Variants in FBXO4 observed in about 807,000 individuals in gnomAD.
The protein encoded by FBXO4 is F-box protein 4.
Under a neutral mutation model 43.7 loss-of-function variants are expected in FBXO4, and 36 were observed. The observed-to-expected ratio is 0.82, with a 90% CI of 0.63 to 1.09. The LOEUF (loss-of-function observed/expected upper bound fraction) is 1.09. Among genes scored for constraint, FBXO4 ranks in the 50% least tolerant of loss-of-function variants. The pLI is 0.00. For synonymous variants in FBXO4, 180 were observed against 165.6 expected, an observed-to-expected ratio of 1.09 and a Z score of -0.67; for missense variants, 435 against 474.1, an observed-to-expected ratio of 0.92 and a Z score of 0.77.
the FBXO4 span, among the ~76,000 whole-genome samples, chr5:41,982,648 G>A: frequency 6.6e-6 from 1 of 152,052 alleles, no homozygotes; most frequent in Admixed American, 6.5e-5. Flanking sequence ...ATGCCAAATA[G>A]TCTAATTTGC....
At chr5:41,926,979 C>T in intron 1 of FBXO4, 34 bp from the exon 2 acceptor site, 1 of 1,385,002 alleles carries the variant, frequency 7.2e-7, no homozygotes. Flanking sequence ...TTTCTTCATT[C>T]CTTTTTCCTA....
chr5:42,027,703 C>G, the FBXO4 span, among the ~76,000 whole-genome samples: 1 of 151,964 alleles, frequency 6.6e-6, no homozygotes, highest in African/African-American at 2.4e-5. Context: ...CCCCATAGTA[C>G]TGGTTTTGCT....
chr5:42,024,300 A>G, the FBXO4 span, among the ~76,000 whole-genome samples: 1 of 152,098 alleles, frequency 6.6e-6, no homozygotes, highest in Non-Finnish European at 1.5e-5. Context: ...ATATCTTTCT[A>G]AAAGGTAATC....
At chr5:41,925,581 G>A in intron 1 of FBXO4, 83 bp downstream of exon 1, 1 of 1,112,664 alleles carries the variant, frequency 9.0e-7, no homozygotes, top group Non-Finnish European at 1.2e-6. Context: ...CGGGGCCTGG[G>A]GAACTCTCGC....
chr5:42,011,985 A>G, the FBXO4 span, among the ~76,000 whole-genome samples: 1 of 152,166 alleles, frequency 6.6e-6, no homozygotes, highest in Non-Finnish European at 1.5e-5. Context: ...CAAATTCCTT[A>G]ATTAACTAAG....
chr5:42,021,068 C>A, the FBXO4 span, among the ~76,000 whole-genome samples: 1 of 152,080 alleles, frequency 6.6e-6, no homozygotes, highest in Non-Finnish European at 1.5e-5. Flanking sequence ...TAGGTCACAA[C>A]TAGGCATTAT....
At chr5:42,006,030 T>G in the FBXO4 span, among the ~76,000 whole-genome samples, 1 of 152,112 alleles carries the variant, frequency 6.6e-6, no homozygotes, top group Non-Finnish European at 1.5e-5. Context: ...TCCCAAATGT[T>G]TGGCTCTTTT....
At chr5:42,032,982 A>G in the FBXO4 span, among the ~76,000 whole-genome samples, 1 of 152,086 alleles carries the variant, frequency 6.6e-6, no homozygotes, top group Non-Finnish European at 1.5e-5. Context: ...CCTTCCCTTC[A>G]AGGCAGCCAG....
the FBXO4 span, among the ~76,000 whole-genome samples, chr5:42,013,898 G>A: frequency 6.6e-6 from 1 of 152,192 alleles, no homozygotes; most frequent in South Asian, 2.1e-4. Context: ...CCACTCAGCT[G>A]CCGAGAGGAG....
At chr5:42,033,298 C>T in the FBXO4 span, among the ~76,000 whole-genome samples, 1 of 152,148 alleles carries the variant, frequency 6.6e-6, no homozygotes, top group Non-Finnish European at 1.5e-5. Context: ...TAGGAGTCAC[C>T]TAAGAGTTGC....
chr5:41,942,310 T>C (rs1056778098), downstream of FBXO4, among the ~76,000 whole-genome samples: 14 of 152,114 alleles, frequency 9.2e-5, no homozygotes, highest in African/African-American at 3.4e-4. Flanking sequence ...TTTGTAGTTT[T>C]ACTATGGTGA....
rs1752003985 is a variant in FBXO4 at position 41,941,468 on chromosome 5, G to A, written c.*187G>A. ...ACCATAAATCAATTACAAGAAAAGA[G>A]TTTCAGTCCTAGTATTTAGCCCCAA... On this transcript the variant is annotated 3_prime_UTR_variant, in exon 7 of 7. Coordinates refer to ENST00000281623, the MANE Select transcript of FBXO4 (RefSeq NM_012176.3). The A allele has an allele frequency of 2.5e-5, 10 of 393,336 alleles. No individual in the cohort carries two copies. In the East Asian group the frequency reaches 3.8e-4, roughly 15 times the overall value. 24.4% of individuals were successfully genotyped at this position (393,336 alleles called of 1,614,324 possible). A position where few individuals can be genotyped will look rare whatever the true frequency, so the allele number is the denominator to read the frequency against.
At chr5:41,938,106 G>A (rs1206955710) in intron 5 of FBXO4, among the ~76,000 whole-genome samples, 2 of 152,092 alleles carry the variant, frequency 1.3e-5, no homozygotes, top group African/African-American at 4.8e-5. Context: ...AGACTCCTGG[G>A]ATGGAAACAA....
At chr5:41,999,552 T>TATATATACAC in the FBXO4 span, among the ~76,000 whole-genome samples, 2 of 134,892 alleles carry the variant, frequency 1.5e-5, no homozygotes, top group African/African-American at 5.8e-5. Flanking sequence ...TATGTATATA[T>TATATATACAC]ATATATATAT....
the FBXO4 span, among the ~76,000 whole-genome samples, chr5:41,991,101 A>G: frequency 6.6e-6 from 1 of 152,222 alleles, no homozygotes; most frequent in East Asian, 1.9e-4. Flanking sequence ...GTCCCTTTCT[A>G]CATCTCACTC....
the FBXO4 span, among the ~76,000 whole-genome samples, chr5:42,005,780 C>A: frequency 6.6e-6 from 1 of 152,050 alleles, no homozygotes; most frequent in African/African-American, 2.4e-5. Flanking sequence ...CTTTTAAACT[C>A]ATTTCTATTT....
chr5:41,983,300 A>G, the FBXO4 span, among the ~76,000 whole-genome samples: 2 of 152,320 alleles, frequency 1.3e-5, no homozygotes, highest in South Asian at 4.1e-4. Context: ...AAGTGAGTGT[A>G]TAATTAATAT....
At chr5:41,981,650 A>G in the FBXO4 span, among the ~76,000 whole-genome samples, 1 of 151,696 alleles carries the variant, frequency 6.6e-6, no homozygotes, top group Non-Finnish European at 1.5e-5. Flanking sequence ...TGCTCAGCCT[A>G]TGACATCCTC....
the FBXO4 span, among the ~76,000 whole-genome samples, chr5:42,019,910 G>T: frequency 6.6e-6 from 1 of 152,066 alleles, no homozygotes; most frequent in South Asian, 2.1e-4. Flanking sequence ...GCCACATTTT[G>T]ATTTACGCAA....
Sources: gnomAD v4.1 joint callset for allele counts (sites outside exome capture counted in the v4.1 genomes callset) on GRCh38, gnomAD v4.1.1 for gene constraint, MANE v1.5 for transcripts, NCBI Gene and HGNC (gene_info 2026-07-23, HGNC 2026-07-21) for gene names.